Variants in CDC42BPB observed in about 807,000 individuals in gnomAD.
CDC42BPB encodes the protein serine/threonine-protein kinase MRCK beta.
A neutral mutation model predicts 214.9 loss-of-function variants in CDC42BPB; 37 were observed. That is an observed-to-expected ratio of 0.17 (90% CI 0.13 to 0.23). The LOEUF is 0.23. Among genes scored for constraint, CDC42BPB ranks in the 10% least tolerant of loss-of-function variants. The probability of loss-of-function intolerance (pLI) is 1.00; values close to 1 mark genes in which losing one functional copy is unlikely to be tolerated. For missense variants in CDC42BPB, 1,694 were observed against 2,227.0 expected (o/e 0.76, Z 4.82); for synonymous variants, 931 against 884.0 (o/e 1.05, Z -0.94).
At chr14:102,940,205 G>C (rs992683295) in intron 31 of CDC42BPB, 22 bp downstream of exon 31, 1 of 1,609,470 alleles carries the variant, frequency 6.2e-7, no homozygotes. Flanking sequence ...GCCCGCACAG[G>C]AGGGCACCGA....
chr14:102,970,211 C>T lies in CDC42BPB; in HGVS notation c.1935G>A (p.Lys645=). The change falls in exon 14 of 37, where the codon AAG becomes AAA. Residue 645 remains lysine, a synonymous_variant. Coordinates refer to ENST00000361246, the MANE Select transcript of CDC42BPB (RefSeq NM_006035.4). ...DAVAEASKER[K]LREHSENFCK... ...AGAAGTTCTCGCTGTGCTCACGAAG[C>T]TTGCGCTCCTTGGAGGCCTCAGCAA... The T allele has an allele frequency of 6.2e-7, 1 of 1,613,912 alleles. No individual in the cohort carries two copies. Among genetic ancestry groups the T allele is most frequent in the Non-Finnish European group, 8.5e-7 (1 of 1,179,962 alleles).
At chr14:102,956,165 G>C (rs1053715823) in intron 21 of CDC42BPB, 1 of 152,226 alleles carries the variant, frequency 6.6e-6, no homozygotes, top group Admixed American at 6.5e-5. Context: ...TGCAGATTCA[G>C]GAACAGGAAC....
At chr14:102,957,782 C>T (rs1892777502) in intron 21 of CDC42BPB, among the ~76,000 whole-genome samples, 1 of 152,182 alleles carries the variant, frequency 6.6e-6, no homozygotes, top group Admixed American at 6.5e-5. Context: ...GGCAGATGCC[C>T]ACATGGGCAC....
At chr14:102,966,129 C>A (rs1893190919) in intron 18 of CDC42BPB, among the ~76,000 whole-genome samples, 153 bp downstream of exon 18, 1 of 152,170 alleles carries the variant, frequency 6.6e-6, no homozygotes, top group South Asian at 2.1e-4. Context: ...TGAGAGCTGG[C>A]AAATGTTGGC....
intron 5 of CDC42BPB, among the ~76,000 whole-genome samples, chr14:102,995,825 C>T (rs962199876): frequency 6.6e-5 from 10 of 152,204 alleles, no homozygotes; most frequent in Non-Finnish European, 1.2e-4. Flanking sequence ...ACCACTCTGG[C>T]GCCAATGACA....
chr14:102,971,841 C>T (rs1319387946), intron 13 of CDC42BPB, 78 bp downstream of exon 13: 1 of 1,476,208 alleles, frequency 6.8e-7, no homozygotes, highest in Non-Finnish European at 9.2e-7. Flanking sequence ...AGTAATGCAG[C>T]CCAAGATTTC....
intron 1 of CDC42BPB, among the ~76,000 whole-genome samples, chr14:103,021,782 G>C (rs888879224): frequency 6.6e-6 from 1 of 152,150 alleles, no homozygotes; most frequent in Non-Finnish European, 1.5e-5. Flanking sequence ...GCCAGAGCGG[G>C]GGTCGTGTGG....
At position 102,943,578 on chromosome 14, in the gene CDC42BPB, G is replaced by A. The variant is rs1184636641; in HGVS notation, c.4408+313C>T. ...CTTTTAAATGAGAGATGAATGCCAC[G>A]CCCCGTTCTCGGTTCGCCGAGCCCT... is the stretch of plus-strand genomic sequence containing the variant. On this transcript the variant is annotated intron_variant, in intron 30 of 36. Transcript: ENST00000361246. The surrounding 1 kb of genome is among the most constrained non-coding windows in gnomAD (Gnocchi z 4.6). Among the ~76,000 whole-genome samples, 4 of 152,120 alleles carry A rather than the reference G, an allele frequency of 2.6e-5. No individual in the cohort carries two copies. Among genetic ancestry groups the A allele is most frequent in the East Asian group, 1.9e-4 (1 of 5,190 alleles).
Position 102,944,282 on chromosome 14 carries a change from G to C in CDC42BPB, c.4017C>G (p.Asn1339Lys). ...QLMATATLKR[N>K]SGTCLFVAVK... ...CGGCCACAAACAGGCAGGTGCCAGA[G>C]TTCCTCTTGAGTGTGGCCGTGGCCA... Residue 1339 changes from asparagine (N) to lysine (K), a missense_variant, in exon 30 of 37, where the codon AAC becomes AAG. Physicochemically the swap from Asn to Lys is moderately conservative, Grantham distance 94. Transcript: ENST00000361246. This position sits in a 1 kb window ranked among gnomAD's most constrained non-coding sequence, Gnocchi z 6.6. The C allele has an allele frequency of 6.2e-7, 1 of 1,613,164 alleles. No individual in the cohort carries two copies. Among genetic ancestry groups the C allele is most frequent in the Non-Finnish European group, 8.5e-7 (1 of 1,180,030 alleles).
chr14:103,035,229 G>C (rs1443687262), intron 1 of CDC42BPB, among the ~76,000 whole-genome samples: 1 of 151,946 alleles, frequency 6.6e-6, no homozygotes, highest in Non-Finnish European at 1.5e-5. Flanking sequence ...GGCTAATTTT[G>C]TATTTTTAGT....
rs1042754012 is a variant in CDC42BPB, at chr14:103,003,796, C to T, written c.447+132G>A. The T allele has an allele frequency of 2.9e-5, 17 of 590,106 alleles. 1 individual carries two copies. In the South Asian group the frequency reaches 3.7e-4, roughly 13 times the overall value. 36.6% of individuals were successfully genotyped at this position (590,106 alleles called of 1,614,324 possible). On this transcript the variant is annotated intron_variant, in intron 4 of 36. Transcript: ENST00000361246. ...ACAATTACTGCATGAAAACAAGCCC[C>T]GCCGTTTTATCGAGTCCAATACACA... is the stretch of plus-strand genomic sequence containing the variant.
In CDC42BPB at chr14:102,940,011, C is replaced by G. The variant is rs747961677; in HGVS notation, c.4591+35G>C. On this transcript the variant is annotated intron_variant, in intron 32 of 36. Coordinates refer to ENST00000361246, the MANE Select transcript of CDC42BPB (RefSeq NM_006035.4). ...CAGGGACACACGCCCCTCCAACTTC[C>G]CTTCCCTCCACTCCCGGTGCAGAGG... 1.9e-6 allele frequency: 3 copies of G among 1,613,764 alleles called. No homozygotes were observed. In the African/African-American group the frequency reaches 4.0e-5, roughly 22 times the overall value.
chr14:102,953,069 G>A lies in CDC42BPB; in HGVS notation c.3067-466C>T, dbSNP rs34239215. Among the ~76,000 whole-genome samples, 410 of 152,358 alleles carry A rather than the reference G, an allele frequency of 2.7e-3. 1 individual carries two copies. The highest frequency in any genetic ancestry group is 4.2e-3 in the Non-Finnish European group (284 of 68,036). ...ACAGCAAACGCCTGGAAAGGCTCACGGTCCCTCATCAGGAGTGGACACATT... is the reference window on the plus strand; with the variant it reads ...ACAGCAAACGCCTGGAAAGGCTCACAGTCCCTCATCAGGAGTGGACACATT... On this transcript the variant is annotated intron_variant, in intron 23 of 36. Coordinates refer to ENST00000361246, the MANE Select transcript of CDC42BPB (RefSeq NM_006035.4).
In CDC42BPB at chr14:102,940,293, G is replaced by T. The variant is rs1048630181; in HGVS notation, c.4440C>A (p.Ser1480Arg). 6.3e-7 allele frequency: 1 copy of T among 1,584,718 alleles called. No individual in the cohort carries two copies. Residue 1480 changes from serine to arginine, a missense_variant, in exon 31 of 37, where the codon AGC becomes AGA. Physicochemically the swap from Ser to Arg is moderately radical, Grantham distance 110. Around this residue, in one of 7 missense-constraint regions of CDC42BPB, gnomAD observed 567 missense variants for 790.3 expected, o/e 0.72. Coordinates refer to ENST00000361246, the MANE Select transcript of CDC42BPB (RefSeq NM_006035.4). Reference protein sequence around the residue: ...SCSPTHVTVYSEYGVDVFDVR... With the variant: ...SCSPTHVTVYREYGVDVFDVR... ...CATCAAAGACGTCCACGCCATACTC[G>T]CTGTACACCGTGACGTGGGTGGGGC...
Position 102,945,733 on chromosome 14 carries a change from G to T in CDC42BPB, c.3749-9C>A. The T allele has an allele frequency of 1.2e-6, 2 of 1,612,462 alleles. No homozygotes were observed. The highest frequency in any genetic ancestry group is 1.1e-5 in the South Asian group (1 of 91,064). On this transcript the variant is annotated splice_polypyrimidine_tract_variant and intron_variant, in intron 28 of 36. Transcript: ENST00000361246. ...TGCAATCCTGTCTGCATCTGTGGAG[G>T]GGTAAGTAACATACACAAAGTCAGT...
intron 21 of CDC42BPB, 28 bp downstream of exon 21, chr14:102,959,603 G>T: frequency 2.0e-6 from 3 of 1,488,816 alleles, no homozygotes; most frequent in Non-Finnish European, 2.8e-6. Flanking sequence ...AAACTCATCT[G>T]TCACTTAAAA....
chr14:102,943,842 C>A lies in CDC42BPB; in HGVS notation c.4408+49G>T. The A allele has an allele frequency of 6.6e-7, 1 of 1,514,998 alleles. No homozygotes were observed. The allele number at this position is 1,514,998 out of a possible 1,614,324, so 93.8% of individuals were successfully genotyped here. Reference sequence around the variant, plus strand: ...GCAAAATCGAACACATGCTGACTGTCGGTGGGAAAAGCAGCAACAGGGATA... The same window carrying A: ...GCAAAATCGAACACATGCTGACTGTAGGTGGGAAAAGCAGCAACAGGGATA... On this transcript the variant is annotated intron_variant, in intron 30 of 36. Transcript: ENST00000361246. The surrounding 1 kb of genome is among the most constrained non-coding windows in gnomAD (Gnocchi z 4.6).
rs1287907520 is a variant in CDC42BPB at position 102,944,002 on chromosome 14, C to T, written c.4297G>A (p.Glu1433Lys). The change falls in exon 30 of 37, where the codon GAA becomes AAA. Residue 1433 changes from glutamate (E) to lysine (K), a missense_variant. Glu to Lys is a moderately conservative substitution (Grantham distance 56). Transcript: ENST00000361246. The surrounding 1 kb of genome is among the most constrained non-coding windows in gnomAD (Gnocchi z 6.6). ...SFDALCAVEL[E>K]SEEYLLCFSH... ...AAGCAAAGCAGGTACTCCTCGCTTT[C>T]GAGCTCCACAGCACAAAGGGCATCA... 5 of 1,613,336 alleles carry T rather than the reference C, an allele frequency of 3.1e-6. No individual in the cohort carries two copies. Among genetic ancestry groups the T allele is most frequent in the South Asian group, 1.1e-5 (1 of 91,084 alleles).
At chr14:102,954,871 G>GC (rs1892646627) in intron 21 of CDC42BPB, 183 bp from the exon 22 acceptor site, 1 of 968,726 alleles carries the variant, frequency 1.0e-6, no homozygotes, top group South Asian at 4.8e-5. Flanking sequence ...CTCCCAGCTG[G>GC]CCGGCCTGCC....
Sources: gnomAD v4.1 joint callset for allele counts (sites outside exome capture counted in the v4.1 genomes callset) on GRCh38, gnomAD v4.1.1 for gene constraint, gnomAD v4.1.1 regional missense constraint, Gnocchi (gnomAD v3.1) non-coding constraint, MANE v1.5 for transcripts, NCBI Gene and HGNC (gene_info 2026-07-23, HGNC 2026-07-21) for gene names.